Variants in PEX5L observed in about 807,000 individuals in gnomAD.
The protein encoded by PEX5L is peroxisomal biogenesis factor 5 like, also known as PEX5-related protein.
Under a neutral mutation model 84.0 loss-of-function variants are expected in PEX5L, and 30 were observed. That is an observed-to-expected ratio of 0.36 (90% CI 0.27 to 0.48). The LOEUF (loss-of-function observed/expected upper bound fraction) is 0.48, where lower values mean the gene tolerates loss of function less well. Among genes scored for constraint, PEX5L ranks in the 20% least tolerant of loss-of-function variants. The pLI is 0.99. For missense variants in PEX5L, 533 were observed against 754.6 expected, an observed-to-expected ratio of 0.71 and a Z score of 3.44; for synonymous variants, 270 against 283.1, an observed-to-expected ratio of 0.95 and a Z score of 0.46.
chr3:179,950,962 C>T (rs1375565049), intron 2 of PEX5L, among the ~76,000 whole-genome samples: 2 of 152,186 alleles, frequency 1.3e-5, no homozygotes, highest in Non-Finnish European at 2.9e-5. Context: ...CCAGATTGCA[C>T]TGAAACAATG....
In PEX5L at chr3:179,974,105, T is replaced by C. The variant is rs1785445011; in HGVS notation, c.22-2440A>G. On this transcript the variant is annotated intron_variant, in intron 1 of 14. Coordinates refer to ENST00000467460, the MANE Select transcript of PEX5L (RefSeq NM_016559.3). Reference sequence around the variant, plus strand: ...GCCAGCCCAGGCAGGGATCTTCAGCTCTCCTCCCTCCTCCCAGCCGGGAAT... The same window carrying C: ...GCCAGCCCAGGCAGGGATCTTCAGCCCTCCTCCCTCCTCCCAGCCGGGAAT... 4.1e-6 allele frequency: 4 copies of C among 985,412 alleles called. No homozygotes were observed. In the South Asian group the frequency reaches 1.9e-4, roughly 46 times the overall value. The allele number at this position is 985,412 out of a possible 1,614,324, so 61.0% of individuals were successfully genotyped here. A position where few individuals can be genotyped will look rare whatever the true frequency, so the allele number is the denominator to read the frequency against.
chr3:179,951,056 A>C (rs952101063), intron 2 of PEX5L, among the ~76,000 whole-genome samples: 3 of 152,220 alleles, frequency 2.0e-5, no homozygotes, highest in Non-Finnish European at 2.9e-5. Flanking sequence ...GAAATGCTGA[A>C]GGCTATTACA....
chr3:179,811,334 A>T (rs1723761663), intron 11 of PEX5L, among the ~76,000 whole-genome samples: 1 of 151,932 alleles, frequency 6.6e-6, no homozygotes, highest in African/African-American at 2.4e-5. Context: ...GTGGAAGTCT[A>T]TTTGGCAGAG....
chr3:179,847,092 T>C (rs1364544043), intron 8 of PEX5L, among the ~76,000 whole-genome samples: 1 of 151,000 alleles, frequency 6.6e-6, no homozygotes, highest in African/African-American at 2.4e-5. Context: ...TATATATATA[T>C]ATATATATGT....
intron 1 of PEX5L, among the ~76,000 whole-genome samples, chr3:180,030,922 CTT>C (rs56182937): frequency 1.0e-4 from 14 of 139,422 alleles, no homozygotes; most frequent in Non-Finnish European, 7.8e-5. Flanking sequence ...GGATTTTTGT[CTT>C]TTTTTTTTTT....
intron 7 of PEX5L, among the ~76,000 whole-genome samples, chr3:179,870,033 G>C (rs184887332): frequency 3.9e-4 from 60 of 152,304 alleles, no homozygotes; most frequent in Admixed American, 1.4e-3. Context: ...AGGGGACTCA[G>C]ATGAACTTTA....
At chr3:179,964,937 A>G (rs1268688779) in intron 2 of PEX5L, among the ~76,000 whole-genome samples, 5 of 152,222 alleles carry the variant, frequency 3.3e-5, no homozygotes, top group Admixed American at 2.6e-4. Flanking sequence ...TTTATAGCAG[A>G]GCAGCCTGTG....
At chr3:179,883,031 G>A (rs1754634066) in intron 4 of PEX5L, among the ~76,000 whole-genome samples, 1 of 152,146 alleles carries the variant, frequency 6.6e-6, no homozygotes, top group Non-Finnish European at 1.5e-5. Context: ...CCAGAAGTTT[G>A]AGCCAGCCTG....
At chr3:179,935,356 G>A (rs1774291538) in intron 2 of PEX5L, among the ~76,000 whole-genome samples, 1 of 152,142 alleles carries the variant, frequency 6.6e-6, no homozygotes, top group African/African-American at 2.4e-5. Flanking sequence ...TGTGCTTATG[G>A]ATCATTTTTG....
At chr3:179,826,637 T>A (rs1041276245) in intron 8 of PEX5L, among the ~76,000 whole-genome samples, 2 of 152,114 alleles carry the variant, frequency 1.3e-5, no homozygotes, top group African/African-American at 4.8e-5. Context: ...TCTTGGGGTT[T>A]GAATCTTGTC....
intron 8 of PEX5L, among the ~76,000 whole-genome samples, chr3:179,833,937 C>T (rs555614241): frequency 1.1e-4 from 17 of 152,266 alleles, no homozygotes; most frequent in African/African-American, 2.6e-4. Context: ...CTGGCTCAAG[C>T]GATCCTTCCA....
Position 179,809,073 on chromosome 3 carries a change from CAAAAAAAAAA to C in PEX5L, c.1352+388_1352+397del, listed in dbSNP as rs10684376. Among the ~76,000 whole-genome samples the C allele has an allele frequency of 5.2e-4, 25 of 47,776 alleles. No individual in the cohort carries two copies. In the East Asian group the frequency reaches 0.016, roughly 31 times the overall value. The allele number at this position is 47,776 out of a possible 152,430, so 31.3% of individuals were successfully genotyped here. On this transcript the variant is annotated intron_variant, in intron 12 of 14. Transcript: ENST00000467460. The stretch of plus-strand genomic sequence containing the variant: ...TGGGCGACAGAGTGAGATTCCGCCT[CAAAAAAAAAA>C]AAAAAAAAAAAAAAAAAGAAAACAA...
chr3:179,875,448 C>A lies in PEX5L; in HGVS notation c.535G>T (p.Asp179Tyr), dbSNP rs746551798. The A allele has an allele frequency of 1.2e-6, 2 of 1,608,762 alleles. No homozygotes were observed. The highest frequency in any genetic ancestry group is 2.7e-5 in the African/African-American group (2 of 74,600). ...TTTCGATCTCCATGAAACTTAACAT[C>A]GTCCCATTTTTCCAGTTGTGTTTGA... ...DIQTQLEKWD[D>Y]VKFHGDRNTK... The change falls in exon 6 of 15, where the codon GAT becomes TAT. Residue 179 changes from aspartate to tyrosine, a missense_variant. Physicochemically the swap from Asp to Tyr is radical, Grantham distance 160. This residue lies in a region of PEX5L where 259 missense variants were observed against 301.7 expected (regional missense o/e 0.86). Transcript: ENST00000467460.
At chr3:180,023,413 G>GA (rs1790595261) in intron 1 of PEX5L, among the ~76,000 whole-genome samples, 1 of 152,200 alleles carries the variant, frequency 6.6e-6, no homozygotes, top group South Asian at 2.1e-4. Flanking sequence ...ACATACGGCA[G>GA]CATGCTCCCA....
intron 5 of PEX5L, among the ~76,000 whole-genome samples, chr3:179,876,996 T>C (rs1163770339): frequency 6.6e-6 from 1 of 152,214 alleles, no homozygotes; most frequent in African/African-American, 2.4e-5. Context: ...CTTACACACA[T>C]AGCCTGAAGG....
chr3:179,802,739 T>C (rs999690970), intron 14 of PEX5L, among the ~76,000 whole-genome samples: 3 of 152,116 alleles, frequency 2.0e-5, no homozygotes, highest in Admixed American at 6.5e-5. Flanking sequence ...TAGCCCTACT[T>C]AAAAACAAAG....
At chr3:179,866,257 T>C (rs988103754) in intron 7 of PEX5L, among the ~76,000 whole-genome samples, 1 of 152,160 alleles carries the variant, frequency 6.6e-6, no homozygotes, top group African/African-American at 2.4e-5. Context: ...CAATTGCCTA[T>C]ATATTATCGC....
intron 1 of PEX5L, among the ~76,000 whole-genome samples, chr3:179,983,414 C>T (rs571210373): frequency 3.3e-5 from 5 of 151,958 alleles, no homozygotes; most frequent in Admixed American, 1.3e-4. Context: ...GTCTGCAGAA[C>T]CCTGATGGTT....
chr3:179,933,198 C>G (rs1773601267), intron 2 of PEX5L, among the ~76,000 whole-genome samples: 1 of 152,222 alleles, frequency 6.6e-6, no homozygotes, highest in Admixed American at 6.5e-5. Context: ...GTTTTTAGCA[C>G]TGATGGCTGC....
Sources: allele counts gnomAD v4.1 joint callset (sites outside exome capture counted in the v4.1 genomes callset), GRCh38; gene constraint gnomAD v4.1.1; regional missense constraint gnomAD v4.1.1; transcripts MANE v1.5; gene names NCBI Gene and HGNC (gene_info 2026-07-23, HGNC 2026-07-21).